SYT1: variants seen among roughly 807,000 people sequenced by gnomAD.
SYT1 encodes the protein synaptotagmin-1.
In SYT1, 8 loss-of-function variants were observed where a neutral mutation model predicts 44.8. The observed-to-expected ratio is 0.18, with a 90% CI of 0.10 to 0.32. SYT1 has a LOEUF of 0.32. Ranked by LOEUF, SYT1 falls within the 10% of genes least tolerant of loss-of-function variation. The probability of loss-of-function intolerance (pLI) is 1.00; values close to 1 mark genes in which losing one functional copy is unlikely to be tolerated. For missense variants in SYT1, 286 were observed against 509.3 expected, an observed-to-expected ratio of 0.56 and a Z score of 4.22; for synonymous variants, 154 against 188.8, an observed-to-expected ratio of 0.82 and a Z score of 1.51.
intron 8 of SYT1, among the ~76,000 whole-genome samples, chr12:79,322,143 T>C (rs1246526104): frequency 2.0e-5 from 3 of 152,174 alleles, no homozygotes; most frequent in Non-Finnish European, 2.9e-5. Context: ...TCACATACAC[T>C]TGACTTCAGA....
chr12:78,928,687 C>T (rs754129248), intron 1 of SYT1, among the ~76,000 whole-genome samples: 27 of 152,034 alleles, frequency 1.8e-4, no homozygotes, highest in African/African-American at 5.3e-4. Context: ...GAGCAAATAG[C>T]GTGGACAGCT....
chr12:79,164,306 A>G (rs1039360262), intron 3 of SYT1, among the ~76,000 whole-genome samples: 2 of 152,192 alleles, frequency 1.3e-5, no homozygotes, highest in East Asian at 3.9e-4. Flanking sequence ...TTTTCTTTAA[A>G]ACTTCCATTG....
At chr12:79,298,173 A>AT (rs1454168171) in intron 7 of SYT1, among the ~76,000 whole-genome samples, 2 of 152,224 alleles carry the variant, frequency 1.3e-5, no homozygotes, top group African/African-American at 4.8e-5. Flanking sequence ...GTCTAGAGAG[A>AT]TTTTAGATAT....
chr12:79,033,002 C>T (rs1872917621), intron 2 of SYT1, among the ~76,000 whole-genome samples: 1 of 151,244 alleles, frequency 6.6e-6, no homozygotes, highest in East Asian at 1.9e-4. Flanking sequence ...AACTCAGATC[C>T]TTATAATCTG....
chr12:79,132,674 CAAAAAAAAAAA>C (rs71091641), intron 3 of SYT1, among the ~76,000 whole-genome samples: 2 of 43,736 alleles, frequency 4.6e-5, no homozygotes, highest in East Asian at 8.6e-4. Context: ...GGAGTTTTCT[CAAAAAAAAAAA>C]AAAAAAAAAA....
At chr12:79,332,476 C>G (rs918956990) in intron 8 of SYT1, among the ~76,000 whole-genome samples, 2 of 152,166 alleles carry the variant, frequency 1.3e-5, no homozygotes, top group Admixed American at 6.5e-5. Context: ...TTCTCTGTAA[C>G]TCTACCACAA....
chr12:79,202,916 A>G (rs1484886380), intron 3 of SYT1, among the ~76,000 whole-genome samples: 2 of 152,186 alleles, frequency 1.3e-5, no homozygotes, highest in Non-Finnish European at 2.9e-5. Flanking sequence ...GAACTTCACC[A>G]TAATTTACAG....
intron 9 of SYT1, among the ~76,000 whole-genome samples, chr12:79,376,476 G>A (rs1403124656): frequency 6.6e-6 from 1 of 152,102 alleles, no homozygotes; most frequent in Non-Finnish European, 1.5e-5. Context: ...CACTCTCGGC[G>A]CCATTTTGGT....
chr12:78,906,152 G>C (rs537761421), intron 1 of SYT1, among the ~76,000 whole-genome samples: 1 of 151,864 alleles, frequency 6.6e-6, no homozygotes, highest in Non-Finnish European at 1.5e-5. Context: ...CCTTTCAATA[G>C]AAGATGATTT....
At chr12:79,148,801 A>G (rs1870084711) in intron 3 of SYT1, among the ~76,000 whole-genome samples, 1 of 152,156 alleles carries the variant, frequency 6.6e-6, no homozygotes, top group Admixed American at 6.5e-5. Context: ...TGCTATTAAA[A>G]TGTCTGTAAT....
chr12:79,078,923 G>A (rs1469951718), intron 3 of SYT1, among the ~76,000 whole-genome samples: 1 of 152,114 alleles, frequency 6.6e-6, no homozygotes, highest in African/African-American at 2.4e-5. Flanking sequence ...AGAGTCCATT[G>A]TACTCAATGG....
intron 4 of SYT1, among the ~76,000 whole-genome samples, chr12:79,227,682 A>G (rs1307308717): frequency 6.6e-6 from 1 of 152,190 alleles, no homozygotes; most frequent in Non-Finnish European, 1.5e-5. Flanking sequence ...GGGCATCTTA[A>G]TTAATTTTTC....
chr12:79,082,741 T>C (rs1290482026), intron 3 of SYT1, among the ~76,000 whole-genome samples: 1 of 152,050 alleles, frequency 6.6e-6, no homozygotes, highest in Non-Finnish European at 1.5e-5. Context: ...GGCAAGAATT[T>C]TTACTTCATG....
intron 9 of SYT1, among the ~76,000 whole-genome samples, chr12:79,361,813 T>G (rs1883326481): frequency 6.6e-6 from 1 of 152,002 alleles, no homozygotes. Flanking sequence ...TAGAAGAGAG[T>G]CCAAGTTTAA....
intron 4 of SYT1, among the ~76,000 whole-genome samples, chr12:79,262,406 T>A (rs1877879589): frequency 6.6e-6 from 1 of 152,160 alleles, no homozygotes; most frequent in South Asian, 2.1e-4. Context: ...ATCTTTGGTG[T>A]TGATTGGTGT....
At chr12:79,202,696 T>G (rs1216548605) in intron 3 of SYT1, among the ~76,000 whole-genome samples, 2 of 152,200 alleles carry the variant, frequency 1.3e-5, no homozygotes, top group Non-Finnish European at 2.9e-5. Flanking sequence ...CAAGGTGTAC[T>G]TGTCCACTGC....
chr12:79,108,224 T>A (rs535628714), intron 3 of SYT1, among the ~76,000 whole-genome samples: 1 of 151,998 alleles, frequency 6.6e-6, no homozygotes, highest in Non-Finnish European at 1.5e-5. Flanking sequence ...TCTATATTTC[T>A]TTAGTGGGAG....
intron 3 of SYT1, among the ~76,000 whole-genome samples, chr12:79,106,241 A>C (rs1878712533): frequency 6.6e-6 from 1 of 152,206 alleles, no homozygotes; most frequent in Non-Finnish European, 1.5e-5. Context: ...TCAAGAGAAA[A>C]GAATGAAGAT....
intron 1 of SYT1, among the ~76,000 whole-genome samples, chr12:78,878,142 TTGTG>T (rs902656298): frequency 6.6e-6 from 1 of 151,310 alleles, no homozygotes; most frequent in Admixed American, 6.6e-5. Flanking sequence ...GCACTCTTTT[TTGTG>T]TGTGTGTGTG....
Sources: allele counts gnomAD v4.1 joint callset (sites outside exome capture counted in the v4.1 genomes callset), GRCh38; gene constraint gnomAD v4.1.1; transcripts MANE v1.5; gene names NCBI Gene and HGNC (gene_info 2026-07-23, HGNC 2026-07-21).